Variants in SLIT1 observed in about 807,000 individuals in gnomAD.
SLIT1 encodes the protein slit guidance ligand 1, also known as slit homolog 1 protein.
A neutral mutation model predicts 186.1 loss-of-function variants in SLIT1; 66 were observed. The observed-to-expected ratio is 0.35, with a 90% CI of 0.29 to 0.44. The LOEUF (loss-of-function observed/expected upper bound fraction) is 0.44. Ranked by LOEUF, SLIT1 falls within the 20% of genes least tolerant of loss-of-function variation. The pLI is 1.00. For missense variants in SLIT1, 1,638 were observed against 2,037.4 expected (o/e 0.80, Z 3.77); for synonymous variants, 761 against 833.8 (o/e 0.91, Z 1.50).
intron 1 of SLIT1, among the ~76,000 whole-genome samples, chr10:97,179,784 C>A (rs1351249683): frequency 6.7e-6 from 1 of 148,186 alleles, no homozygotes; most frequent in Non-Finnish European, 1.5e-5. Flanking sequence ...AAAAGAGGAG[C>A]CAATTCTCCA....
chr10:97,127,609 C>T (rs1191651758), intron 4 of SLIT1, among the ~76,000 whole-genome samples: 1 of 152,220 alleles, frequency 6.6e-6, no homozygotes, highest in Non-Finnish European at 1.5e-5. Context: ...AAACAGCCTC[C>T]AAGACCTCAC....
At chr10:97,165,134 C>T (rs1283333433) in intron 1 of SLIT1, among the ~76,000 whole-genome samples, 1 of 152,194 alleles carries the variant, frequency 6.6e-6, no homozygotes, top group Non-Finnish European at 1.5e-5. Flanking sequence ...AAACCAAAAA[C>T]GTGGTTTCTG....
intron 4 of SLIT1, among the ~76,000 whole-genome samples, chr10:97,069,580 G>A (rs1178097128): frequency 1.3e-5 from 2 of 152,218 alleles, no homozygotes; most frequent in Non-Finnish European, 2.9e-5. Flanking sequence ...TCCGCTGGAG[G>A]GAGGAGAGGT....
intron 34 of SLIT1, 93 bp from the exon 35 acceptor site, chr10:97,003,085 C>G: frequency 1.6e-6 from 2 of 1,253,310 alleles, no homozygotes; most frequent in Non-Finnish European, 2.3e-6. Flanking sequence ...ATGGCCTTCC[C>G]TCTTGCCTGC....
intron 1 of SLIT1, among the ~76,000 whole-genome samples, chr10:97,166,573 A>AGAGAGAGAGAG: frequency 2.2e-5 from 1 of 45,024 alleles, no homozygotes; most frequent in East Asian, 6.2e-4. Flanking sequence ...GAGAGAGAGA[A>AGAGAGAGAGAG]AGAAAGAAAG....
At position 97,117,285 on chromosome 10, in the gene SLIT1, T is replaced by TAA. The variant is rs11390000; in HGVS notation, c.413+40531_413+40532dup. On this transcript the variant is annotated intron_variant, in intron 4 of 36. Coordinates refer to ENST00000266058, the MANE Select transcript of SLIT1 (RefSeq NM_003061.3). ...TGTCCAAAGAGCAAAGCAGGTAAAT[T>TAA]AAAAAAAATTACAGGGAGATGAAGG... 3.3e-4 allele frequency among the ~76,000 whole-genome samples: 50 copies of TAA among 151,526 alleles called. No homozygotes were observed. In the South Asian group the frequency reaches 8.2e-3, roughly 25 times the overall value.
At chr10:97,033,002 G>A (rs1367844784) in intron 23 of SLIT1, among the ~76,000 whole-genome samples, 1 of 152,046 alleles carries the variant, frequency 6.6e-6, no homozygotes, top group Non-Finnish European at 1.5e-5. Context: ...GGAGCTGGGA[G>A]AGGCAGGAGC....
chr10:97,057,480 G>A (rs149835911), intron 11 of SLIT1, among the ~76,000 whole-genome samples, 199 bp from the exon 12 acceptor site: 14 of 152,390 alleles, frequency 9.2e-5, no homozygotes, highest in East Asian at 3.9e-4. Flanking sequence ...GCTTCTTGGC[G>A]TAAAGTGCCC....
At chr10:97,137,003 C>G (rs1384093664) in intron 4 of SLIT1, among the ~76,000 whole-genome samples, 1 of 152,190 alleles carries the variant, frequency 6.6e-6, no homozygotes, top group African/African-American at 2.4e-5. Flanking sequence ...CTGGAAAAAC[C>G]AGCAAGCATC....
chr10:97,098,427 GGAGGGACCTGGGAGACGT>G (rs1161776512), intron 4 of SLIT1, among the ~76,000 whole-genome samples: 1 of 152,194 alleles, frequency 6.6e-6, no homozygotes, highest in Non-Finnish European at 1.5e-5. Context: ...CCCCTTGGCT[GGAGGGACCTGGGAGACGT>G]GAGGGCTTCT....
At chr10:97,166,566 A>AGG (rs1398402011) in intron 1 of SLIT1, among the ~76,000 whole-genome samples, 2 of 67,806 alleles carry the variant, frequency 2.9e-5, no homozygotes, top group African/African-American at 1.1e-4. Context: ...AAAGAGAGAG[A>AGG]GAGAGAAAGA....
At chr10:97,161,353 C>T (rs1589416475) in intron 3 of SLIT1, among the ~76,000 whole-genome samples, 1 of 152,218 alleles carries the variant, frequency 6.6e-6, no homozygotes, top group Admixed American at 6.5e-5. Context: ...CTGTGGGCTC[C>T]TTATCATTTC....
At chr10:97,023,498 C>T (rs374932700) in intron 25 of SLIT1, among the ~76,000 whole-genome samples, 16 of 152,190 alleles carry the variant, frequency 1.1e-4, no homozygotes, top group Non-Finnish European at 4.4e-5. Flanking sequence ...CACTGGCCAT[C>T]AGTACAAGGC....
chr10:97,103,078 C>T (rs1022400276), intron 4 of SLIT1: 7 of 152,282 alleles, frequency 4.6e-5, no homozygotes, highest in South Asian at 2.1e-4. Flanking sequence ...GCTTGGTGCA[C>T]GGAAGAACTG....
chr10:97,034,380 G>C (rs1589369259), intron 23 of SLIT1, 91 bp downstream of exon 23: 1 of 918,962 alleles, frequency 1.1e-6, no homozygotes, highest in Admixed American at 1.7e-5. Context: ...TGCAGGCGAG[G>C]GATCTGGGAG....
intron 27 of SLIT1, 66 bp downstream of exon 27, chr10:97,018,916 GC>G (rs1424652602): frequency 4.2e-6 from 4 of 954,000 alleles, no homozygotes; most frequent in Non-Finnish European, 6.6e-6. Flanking sequence ...AGTGCTCTGG[GC>G]CCTGGGGACA....
At chr10:97,015,464 A>C (rs993784386) in intron 28 of SLIT1, among the ~76,000 whole-genome samples, 23 of 152,246 alleles carry the variant, frequency 1.5e-4, no homozygotes, top group African/African-American at 5.3e-4. Flanking sequence ...TCAAAGAATT[A>C]AGTGACATGG....
intron 4 of SLIT1, among the ~76,000 whole-genome samples, chr10:97,110,398 C>A (rs895083765): frequency 6.6e-6 from 1 of 152,124 alleles, no homozygotes; most frequent in African/African-American, 2.4e-5. Flanking sequence ...ATTATTTGCA[C>A]GGAAAAACCT....
intron 4 of SLIT1, among the ~76,000 whole-genome samples, chr10:97,135,853 A>G (rs1849698147): frequency 6.6e-6 from 1 of 152,200 alleles, no homozygotes; most frequent in African/African-American, 2.4e-5. Context: ...GGAGGAGATC[A>G]TTCTATTTTA....
Sources: gnomAD v4.1 joint callset for allele counts (sites outside exome capture counted in the v4.1 genomes callset) on GRCh38, gnomAD v4.1.1 for gene constraint, MANE v1.5 for transcripts, NCBI Gene and HGNC (gene_info 2026-07-23, HGNC 2026-07-21) for gene names.